The following RGS7 variants were observed in gnomAD, a reference collection of about 807,000 sequenced individuals.
RGS7 encodes the protein regulator of G protein signaling 7.
In RGS7, 27 loss-of-function variants were observed where a neutral mutation model predicts 81.1. That is an observed-to-expected ratio of 0.33 (90% CI 0.25 to 0.46). The LOEUF (loss-of-function observed/expected upper bound fraction) is 0.46, where lower values mean the gene tolerates loss of function less well. Ranked by LOEUF, RGS7 falls within the 20% of genes least tolerant of loss-of-function variation. RGS7 has a pLI of 1.00. For synonymous variants in RGS7, 208 were observed against 207.7 expected (o/e 1.00, Z -0.01); for missense variants, 396 against 607.4 (o/e 0.65, Z 3.66).
intron 4 of RGS7, among the ~76,000 whole-genome samples, chr1:240,967,591 T>C (rs1446085410): frequency 6.9e-6 from 1 of 144,726 alleles, no homozygotes; most frequent in South Asian, 2.2e-4. Flanking sequence ...GAAAAGGCTG[T>C]AGCAAGAGTA....
intron 2 of RGS7, among the ~76,000 whole-genome samples, chr1:241,142,478 T>C (rs1035851821): frequency 2.6e-5 from 4 of 152,204 alleles, no homozygotes; most frequent in Non-Finnish European, 5.9e-5. Flanking sequence ...TTGACTTCTG[T>C]GCACTCTCAG....
In RGS7 at chr1:240,816,371, G is replaced by A; in HGVS notation, c.729C>T (p.Thr243=). 1 of 1,611,848 alleles carries A rather than the reference G, an allele frequency of 6.2e-7. No individual in the cohort carries two copies. The highest frequency in any genetic ancestry group is 1.3e-5 in the African/African-American group (1 of 74,910). ...LQNDIRSHSP[T]HTPTPETKPP... ...GTTTAGTTTCTGGTGTGGGTGTGTG[G>A]GTAGGACTGTGACTTCTAATATCAT... The change falls in exon 11 of 19, where the codon ACC becomes ACT. Residue 243 remains threonine, a synonymous_variant. Coordinates refer to ENST00000440928, the MANE Select transcript of RGS7 (RefSeq NM_001364886.1).
At chr1:241,296,026 G>A (rs1034179646) in intron 2 of RGS7, among the ~76,000 whole-genome samples, 18 of 152,236 alleles carry the variant, frequency 1.2e-4, no homozygotes, top group African/African-American at 3.9e-4. Flanking sequence ...TGAGCTTAAA[G>A]TGTCCATGGA....
intron 3 of RGS7, among the ~76,000 whole-genome samples, chr1:240,988,281 A>G (rs1685969051): frequency 6.6e-6 from 1 of 151,120 alleles, no homozygotes; most frequent in Non-Finnish European, 1.5e-5. Flanking sequence ...CATAATTTAA[A>G]AAGTTCTTCA....
At chr1:241,281,650 G>A (rs1279728901) in intron 2 of RGS7, among the ~76,000 whole-genome samples, 5 of 152,164 alleles carry the variant, frequency 3.3e-5, no homozygotes, top group Non-Finnish European at 7.4e-5. Context: ...CTTGTAAACA[G>A]ACAACATAAA....
chr1:240,976,881 A>G (rs976525058), intron 4 of RGS7, among the ~76,000 whole-genome samples: 6 of 137,522 alleles, frequency 4.4e-5, no homozygotes, highest in East Asian at 2.2e-4. Flanking sequence ...CTATCTGTCT[A>G]TCTCTTTATC....
intron 3 of RGS7, 35 bp from the exon 4 acceptor site, chr1:240,983,164 T>A (rs1399527947): frequency 4.1e-6 from 5 of 1,228,996 alleles, no homozygotes; most frequent in Non-Finnish European, 5.8e-6. Flanking sequence ...CAAACAGATG[T>A]GAACATTTTG....
intron 3 of RGS7, among the ~76,000 whole-genome samples, chr1:241,028,602 G>A (rs1448122564): frequency 6.6e-6 from 1 of 152,172 alleles, no homozygotes; most frequent in African/African-American, 2.4e-5. Context: ...CAAAGAACGT[G>A]TTTCAGCTGA....
chr1:241,215,994 G>A (rs572146049), intron 2 of RGS7, among the ~76,000 whole-genome samples: 26 of 152,296 alleles, frequency 1.7e-4, no homozygotes, highest in African/African-American at 5.3e-4. Flanking sequence ...AATAAAGGCC[G>A]GGCGCGGTGG....
intron 2 of RGS7, among the ~76,000 whole-genome samples, chr1:241,142,298 G>T (rs12406485): frequency 0.56 from 84,508 of 152,110 alleles, 27,103 homozygotes; most frequent in African/African-American, 0.89. Context: ...CACTAGGCAA[G>T]GCCCCAGTAG....
At chr1:241,066,672 C>T (rs967341284) in intron 3 of RGS7, among the ~76,000 whole-genome samples, 1 of 152,106 alleles carries the variant, frequency 6.6e-6, no homozygotes, top group Non-Finnish European at 1.5e-5. Context: ...TTATAATCAC[C>T]GTCACATCAA....
At chr1:241,137,218 C>T (rs201991371) in intron 2 of RGS7, among the ~76,000 whole-genome samples, 67 of 149,198 alleles carry the variant, frequency 4.5e-4, no homozygotes, top group African/African-American at 1.6e-3. Context: ...TTTTTTTTTC[C>T]TTTTCTTTCT....
At chr1:241,309,386 C>A (rs376118957) in intron 2 of RGS7, among the ~76,000 whole-genome samples, 348 of 85,022 alleles carry the variant, frequency 4.1e-3, no homozygotes, top group Non-Finnish European at 4.6e-3. Context: ...AACTCCAACT[C>A]AAAAAAAAAA....
At chr1:241,064,759 A>T (rs1007625157) in intron 3 of RGS7, among the ~76,000 whole-genome samples, 3 of 152,150 alleles carry the variant, frequency 2.0e-5, no homozygotes, top group Non-Finnish European at 4.4e-5. Flanking sequence ...AAAAAAAGTC[A>T]GAATCCAGGA....
At chr1:241,000,311 C>T (rs765927443) in intron 3 of RGS7, among the ~76,000 whole-genome samples, 1 of 152,078 alleles carries the variant, frequency 6.6e-6, no homozygotes, top group African/African-American at 2.4e-5. Flanking sequence ...CAAAAAGGCA[C>T]AAGGAAACTT....
At chr1:241,160,151 A>AATAGGGTT (rs2069528580) in intron 2 of RGS7, among the ~76,000 whole-genome samples, 1 of 151,888 alleles carries the variant, frequency 6.6e-6, no homozygotes, top group Admixed American at 6.6e-5. Context: ...AAGAAAAAGA[A>AATAGGGTT]ATAGGGTTTT....
chr1:240,930,834 T>C lies in RGS7; in HGVS notation c.334-66A>G. 3 of 1,402,644 alleles carry C rather than the reference T, an allele frequency of 2.1e-6. No individual in the cohort carries two copies. The South Asian group carries it at 3.5e-5, about 16-fold the overall frequency. 86.9% of individuals were successfully genotyped at this position (1,402,644 alleles called of 1,614,324 possible). ...AAAAATTAGTGGAGTTTCTGGCCAG[T>C]GAATTACATTTATCTTCCACAATTC... is the stretch of plus-strand genomic sequence containing the variant. On this transcript the variant is annotated intron_variant, in intron 5 of 18. Coordinates refer to ENST00000440928, the MANE Select transcript of RGS7 (RefSeq NM_001364886.1).
intron 2 of RGS7, among the ~76,000 whole-genome samples, chr1:241,148,363 T>C (rs935905662): frequency 1.3e-5 from 2 of 152,130 alleles, no homozygotes; most frequent in African/African-American, 2.4e-5. Flanking sequence ...AGATTTTCTA[T>C]TGACTTCATT....
chr1:240,806,108 C>G (rs564558923), intron 15 of RGS7, 32 bp downstream of exon 15: 3 of 1,598,492 alleles, frequency 1.9e-6, no homozygotes, highest in African/African-American at 2.7e-5. Flanking sequence ...CTCGGAAGCA[C>G]GTTTGTGGTG....
Sources: allele counts gnomAD v4.1 joint callset (sites outside exome capture counted in the v4.1 genomes callset), GRCh38; gene constraint gnomAD v4.1.1; transcripts MANE v1.5; gene names NCBI Gene and HGNC (gene_info 2026-07-23, HGNC 2026-07-21).